ZMAT4: variants seen among roughly 807,000 people sequenced by gnomAD.
The protein encoded by ZMAT4 is zinc finger matrin-type 4.
In ZMAT4, 17 loss-of-function variants were observed where a neutral mutation model predicts 28.7. The observed-to-expected ratio is 0.59, with a 90% CI of 0.41 to 0.89. The LOEUF (loss-of-function observed/expected upper bound fraction) is 0.89, where lower values mean the gene tolerates loss of function less well. Ranked by LOEUF, ZMAT4 falls within the 40% of genes least tolerant of loss-of-function variation. ZMAT4 has a pLI of 0.00. For synonymous variants in ZMAT4, 117 were observed against 109.2 expected (o/e 1.07, Z -0.44); for missense variants, 240 against 283.8 (o/e 0.85, Z 1.11).
intron 5 of ZMAT4, among the ~76,000 whole-genome samples, chr8:40,609,585 G>C (rs142838304): frequency 6.6e-6 from 1 of 152,102 alleles, no homozygotes; most frequent in Non-Finnish European, 1.5e-5. Context: ...TCTAATATTG[G>C]CCAAGCTGTC....
At chr8:40,534,147 T>C (rs1802776410) in intron 6 of ZMAT4, among the ~76,000 whole-genome samples, 1 of 152,136 alleles carries the variant, frequency 6.6e-6, no homozygotes, top group Admixed American at 6.6e-5. Context: ...AGGAAAAATA[T>C]CACATTCTTC....
chr8:40,684,203 C>T (rs1809299092), intron 4 of ZMAT4, among the ~76,000 whole-genome samples: 1 of 152,126 alleles, frequency 6.6e-6, no homozygotes, highest in South Asian at 2.1e-4. Flanking sequence ...AAGAAAAGTA[C>T]AGAGACATTA....
chr8:40,600,480 C>T (rs1256924781), intron 5 of ZMAT4, among the ~76,000 whole-genome samples: 1 of 152,212 alleles, frequency 6.6e-6, no homozygotes, highest in African/African-American at 2.4e-5. Context: ...AGCCTTCTTA[C>T]TCCTTCTCTG....
chr8:40,773,307 C>T (rs1015346590), intron 2 of ZMAT4, among the ~76,000 whole-genome samples: 10 of 152,132 alleles, frequency 6.6e-5, no homozygotes, highest in Non-Finnish European at 8.8e-5. Context: ...TGGAAGACCC[C>T]GAGGTGCCAG....
chr8:40,643,468 T>C (rs1807146782), intron 5 of ZMAT4, among the ~76,000 whole-genome samples: 1 of 152,200 alleles, frequency 6.6e-6, no homozygotes, highest in African/African-American at 2.4e-5. Context: ...GGATAATTTA[T>C]TGAGTCACTA....
At chr8:40,568,440 T>G (rs575348355) in intron 6 of ZMAT4, among the ~76,000 whole-genome samples, 265 of 152,274 alleles carry the variant, frequency 1.7e-3, no homozygotes, top group African/African-American at 6.1e-3. Flanking sequence ...ACTGGGGTTC[T>G]AAACCCTGAG....
chr8:40,776,191 A>G (rs746354565), intron 2 of ZMAT4, among the ~76,000 whole-genome samples: 1 of 152,228 alleles, frequency 6.6e-6, no homozygotes, highest in South Asian at 2.1e-4. Flanking sequence ...AATCCGTTCA[A>G]TTTCCAAAAG....
chr8:40,880,375 A>T (rs1485064983), intron 1 of ZMAT4, among the ~76,000 whole-genome samples: 1 of 152,056 alleles, frequency 6.6e-6, no homozygotes, highest in Non-Finnish European at 1.5e-5. Flanking sequence ...ATCTCAAAAA[A>T]AAAAAAAAAG....
At chr8:40,556,313 G>T (rs1377080308) in intron 6 of ZMAT4, among the ~76,000 whole-genome samples, 3 of 152,014 alleles carry the variant, frequency 2.0e-5, no homozygotes, top group African/African-American at 4.8e-5. Context: ...ATAATTCATA[G>T]ACTTCTCAAA....
At chr8:40,718,945 C>T (rs1054114203) in intron 3 of ZMAT4, among the ~76,000 whole-genome samples, 10 of 152,156 alleles carry the variant, frequency 6.6e-5, no homozygotes, top group African/African-American at 9.7e-5. Context: ...GTGGCACTGA[C>T]CTGGAATCCC....
intron 6 of ZMAT4, among the ~76,000 whole-genome samples, chr8:40,557,355 C>T: frequency 6.6e-6 from 1 of 151,706 alleles, no homozygotes; most frequent in East Asian, 1.9e-4. Flanking sequence ...GCTCCTACTC[C>T]TACTCTAGCT....
At chr8:40,713,780 G>A (rs751988567) in intron 3 of ZMAT4, among the ~76,000 whole-genome samples, 2 of 151,574 alleles carry the variant, frequency 1.3e-5, no homozygotes, top group African/African-American at 4.8e-5. Context: ...GTGGTGGCAG[G>A]TCCCTGTAAT....
chr8:40,635,641 A>G (rs919211928), intron 5 of ZMAT4, among the ~76,000 whole-genome samples: 5 of 152,236 alleles, frequency 3.3e-5, no homozygotes, highest in African/African-American at 9.7e-5. Flanking sequence ...AATGTCTCAG[A>G]CAGAGCACCA....
At chr8:40,839,318 T>G (rs1346940899) in intron 1 of ZMAT4, among the ~76,000 whole-genome samples, 1 of 152,218 alleles carries the variant, frequency 6.6e-6, no homozygotes, top group Non-Finnish European at 1.5e-5. Flanking sequence ...CCTTGCCTCT[T>G]CTGCCACCCT....
intron 6 of ZMAT4, among the ~76,000 whole-genome samples, chr8:40,568,727 T>C (rs963130953): frequency 1.3e-5 from 2 of 152,112 alleles, no homozygotes; most frequent in African/African-American, 4.8e-5. Flanking sequence ...CATAATGAGG[T>C]ATTTAAGTAT....
chr8:40,695,350 C>T (rs1163583580), intron 4 of ZMAT4, among the ~76,000 whole-genome samples: 3 of 152,134 alleles, frequency 2.0e-5, no homozygotes, highest in African/African-American at 4.8e-5. Flanking sequence ...TCTGGTGCTG[C>T]CACTTTCCAA....
intron 1 of ZMAT4, among the ~76,000 whole-genome samples, chr8:40,855,351 A>G (rs959031191): frequency 2.6e-5 from 4 of 152,088 alleles, no homozygotes; most frequent in African/African-American, 4.8e-5. Flanking sequence ...CCTAGTGCCA[A>G]ATGACTCAAA....
intron 3 of ZMAT4, among the ~76,000 whole-genome samples, chr8:40,758,168 A>T (rs912293205): frequency 6.6e-6 from 1 of 152,152 alleles, no homozygotes; most frequent in Non-Finnish European, 1.5e-5. Flanking sequence ...ATATTCCTTA[A>T]TAAGCTCCTG....
chr8:40,705,274 A>G (rs1369090904), intron 3 of ZMAT4, among the ~76,000 whole-genome samples: 1 of 152,222 alleles, frequency 6.6e-6, no homozygotes, highest in African/African-American at 2.4e-5. Flanking sequence ...GAGGACAACT[A>G]TGTAAGTTAG....
Sources: gnomAD v4.1 joint callset for allele counts (sites outside exome capture counted in the v4.1 genomes callset) on GRCh38, gnomAD v4.1.1 for gene constraint, MANE v1.5 for transcripts, NCBI Gene and HGNC (gene_info 2026-07-23, HGNC 2026-07-21) for gene names.